STAG1: variants seen among roughly 807,000 people sequenced by gnomAD.
STAG1 encodes the protein cohesin subunit SA-1.
In STAG1, 26 loss-of-function variants were observed where a neutral mutation model predicts 170.9. That is an observed-to-expected ratio of 0.15 (90% CI 0.11 to 0.21). STAG1 has a LOEUF of 0.21. Among genes scored for constraint, STAG1 ranks in the 10% least tolerant of loss-of-function variants. The pLI, the probability that STAG1 is intolerant of heterozygous loss-of-function variation, is 1.00. For missense variants in STAG1, 964 were observed against 1,509.5 expected, an observed-to-expected ratio of 0.64 and a Z score of 5.99; for synonymous variants, 514 against 497.7, an observed-to-expected ratio of 1.03 and a Z score of -0.44.
intron 21 of STAG1, among the ~76,000 whole-genome samples, chr3:136,408,114 T>C (rs1468559888): frequency 6.6e-6 from 1 of 152,244 alleles, no homozygotes; most frequent in Non-Finnish European, 1.5e-5. Context: ...TCTCTGTAGA[T>C]GAACATGTAG....
chr3:136,715,154 T>A (rs1279181565), intron 1 of STAG1, among the ~76,000 whole-genome samples: 1 of 135,610 alleles, frequency 7.4e-6, no homozygotes, highest in Non-Finnish European at 1.5e-5. Context: ...AAAATTTGTG[T>A]ATGTGGGGTT....
At chr3:136,517,518 TAA>T (rs1382355686) in intron 7 of STAG1, among the ~76,000 whole-genome samples, 1 of 152,040 alleles carries the variant, frequency 6.6e-6, no homozygotes, top group Non-Finnish European at 1.5e-5. Flanking sequence ...TGTCTAAAAA[TAA>T]ACATAATCCT....
chr3:136,452,711 A>G (rs2107777796), intron 13 of STAG1, among the ~76,000 whole-genome samples: 1 of 152,322 alleles, frequency 6.6e-6, no homozygotes, highest in East Asian at 1.9e-4. Flanking sequence ...ATGAACAATC[A>G]ATGTTCAAAT....
chr3:136,457,987 T>C (rs1376042273), intron 13 of STAG1, among the ~76,000 whole-genome samples: 3 of 152,046 alleles, frequency 2.0e-5, no homozygotes, highest in Admixed American at 2.0e-4. Context: ...ACTGCAACAA[T>C]TGCTGAGATA....
At chr3:136,719,959 C>A (rs556084256) in intron 1 of STAG1, among the ~76,000 whole-genome samples, 26 of 152,134 alleles carry the variant, frequency 1.7e-4, no homozygotes, top group African/African-American at 6.3e-4. Flanking sequence ...GGCAGGTCAC[C>A]TGAGGCCAGG....
chr3:136,544,164 AG>A (rs1244124952), intron 5 of STAG1, among the ~76,000 whole-genome samples: 1 of 152,198 alleles, frequency 6.6e-6, no homozygotes, highest in Non-Finnish European at 1.5e-5. Flanking sequence ...TACCTATCAT[AG>A]GGGTAAGTTA....
intron 7 of STAG1, among the ~76,000 whole-genome samples, chr3:136,503,821 C>T (rs1192059421): frequency 6.6e-6 from 1 of 152,060 alleles, no homozygotes; most frequent in African/African-American, 2.4e-5. Flanking sequence ...CTGCAACCTC[C>T]ACCTCCCAGG....
chr3:136,477,608 A>G (rs2089785651), intron 9 of STAG1, among the ~76,000 whole-genome samples, 196 bp from the exon 10 acceptor site: 1 of 152,100 alleles, frequency 6.6e-6, no homozygotes, highest in Non-Finnish European at 1.5e-5. Flanking sequence ...TGGAAAAAAA[A>G]AGCTTCTATT....
At chr3:136,629,377 T>C (rs1039859272) in intron 2 of STAG1, among the ~76,000 whole-genome samples, 8 of 152,068 alleles carry the variant, frequency 5.3e-5, no homozygotes, top group African/African-American at 1.9e-4. Context: ...AGATAGTGGC[T>C]TGGCCAGGTA....
At chr3:136,558,956 A>G (rs957224682) in intron 5 of STAG1, among the ~76,000 whole-genome samples, 53 of 152,228 alleles carry the variant, frequency 3.5e-4, no homozygotes. Context: ...AAAATTGAAC[A>G]CTGGGAAACT....
chr3:136,448,163 C>T (rs1385786695), intron 14 of STAG1, among the ~76,000 whole-genome samples: 1 of 152,182 alleles, frequency 6.6e-6, no homozygotes, highest in Non-Finnish European at 1.5e-5. Flanking sequence ...GCACTGCAAA[C>T]TGATTCCAAT....
intron 1 of STAG1, among the ~76,000 whole-genome samples, chr3:136,674,237 A>C (rs1434085997): frequency 6.6e-6 from 1 of 151,656 alleles, no homozygotes; most frequent in Non-Finnish European, 1.5e-5. Flanking sequence ...CCCAAAATTG[A>C]TAACAACCCA....
chr3:136,518,452 T>C (rs921653335), intron 7 of STAG1: 4 of 698,908 alleles, frequency 5.7e-6, no homozygotes, highest in Non-Finnish European at 7.8e-6. Context: ...TTTTAATCTA[T>C]TCCTCGTACA....
intron 1 of STAG1, among the ~76,000 whole-genome samples, chr3:136,720,331 A>G (rs2107928411): frequency 6.6e-6 from 1 of 152,314 alleles, no homozygotes; most frequent in Non-Finnish European, 1.5e-5. Context: ...AAATGATTAT[A>G]TCAAGCTGAA....
At chr3:136,575,270 G>A (rs1937411747) in intron 4 of STAG1, among the ~76,000 whole-genome samples, 1 of 152,108 alleles carries the variant, frequency 6.6e-6, no homozygotes, top group Admixed American at 6.5e-5. Flanking sequence ...TTTCACCCAG[G>A]CTAGGGTCCA....
chr3:136,382,014 G>T (rs1038653387), intron 22 of STAG1, among the ~76,000 whole-genome samples: 1 of 152,098 alleles, frequency 6.6e-6, no homozygotes, highest in Non-Finnish European at 1.5e-5. Flanking sequence ...TTAATAAATA[G>T]TTACTCAATG....
chr3:136,425,074 G>C (rs751906439), intron 16 of STAG1, among the ~76,000 whole-genome samples: 2 of 152,038 alleles, frequency 1.3e-5, no homozygotes, highest in African/African-American at 4.8e-5. Context: ...TCCCGACCTC[G>C]TGATCTGCCC....
intron 12 of STAG1, among the ~76,000 whole-genome samples, chr3:136,467,580 G>A (rs1158825843): frequency 6.6e-6 from 1 of 152,120 alleles, no homozygotes; most frequent in Non-Finnish European, 1.5e-5. Context: ...ACACCCCACT[G>A]TCAACATTAG....
intron 5 of STAG1, among the ~76,000 whole-genome samples, chr3:136,545,034 TCTAA>T (rs1337199745): frequency 3.3e-5 from 5 of 152,126 alleles, no homozygotes; most frequent in Non-Finnish European, 5.9e-5. Flanking sequence ...TTTATTGTCA[TCTAA>T]CTTTTTATTT....
Sources: gnomAD v4.1 joint callset for allele counts (sites outside exome capture counted in the v4.1 genomes callset) on GRCh38, gnomAD v4.1.1 for gene constraint, MANE v1.5 for transcripts, NCBI Gene and HGNC (gene_info 2026-07-23, HGNC 2026-07-21) for gene names.